PRKG1: variants seen among roughly 807,000 people sequenced by gnomAD.
PRKG1 encodes protein kinase cGMP-dependent 1.
PRKG1 carries 35 observed loss-of-function variants against 88.1 expected under a neutral mutation model. The ratio of observed to expected loss-of-function variants is 0.40; its 90% confidence interval spans 0.30 to 0.53. PRKG1 has a LOEUF of 0.53. Ranked by LOEUF, PRKG1 falls within the 20% of genes least tolerant of loss-of-function variation. The pLI, the probability that PRKG1 is intolerant of heterozygous loss-of-function variation, is 0.59. For missense variants in PRKG1, 540 were observed against 839.8 expected, an observed-to-expected ratio of 0.64 and a Z score of 4.41; for synonymous variants, 303 against 292.5, an observed-to-expected ratio of 1.04 and a Z score of -0.37.
chr10:51,583,402 T>C (rs1050906808), intron 3 of PRKG1, among the ~76,000 whole-genome samples: 22 of 152,174 alleles, frequency 1.4e-4, no homozygotes, highest in Non-Finnish European at 7.4e-5. Flanking sequence ...CATCATTGTT[T>C]AGTCTTCTCT....
intron 1 of PRKG1, among the ~76,000 whole-genome samples, chr10:51,121,757 A>C (rs2339627): frequency 0.79 from 120,425 of 151,550 alleles, 48,357 homozygotes; most frequent in South Asian, 0.88. Flanking sequence ...AAATGTCATA[A>C]TCACCCATCA....
chr10:52,255,049 T>G (rs1361984440), intron 10 of PRKG1, among the ~76,000 whole-genome samples: 1 of 152,118 alleles, frequency 6.6e-6, no homozygotes, highest in Non-Finnish European at 1.5e-5. Context: ...TGTTCTTTAT[T>G]TTTAAGAATG....
At chr10:51,710,229 A>G (rs1467149240) in intron 3 of PRKG1, among the ~76,000 whole-genome samples, 1 of 152,156 alleles carries the variant, frequency 6.6e-6, no homozygotes, top group African/African-American at 2.4e-5. Context: ...GTCAGACAAG[A>G]TAGAGAATAG....
intron 9 of PRKG1, among the ~76,000 whole-genome samples, chr10:52,163,183 T>C (rs998372933): frequency 1.3e-5 from 2 of 151,742 alleles, no homozygotes; most frequent in African/African-American, 4.8e-5. Flanking sequence ...TGTGACAAAA[T>C]TCATTCTTTT....
intron 8 of PRKG1, among the ~76,000 whole-genome samples, chr10:52,155,056 T>A (rs966486830): frequency 3.9e-5 from 6 of 152,166 alleles, no homozygotes; most frequent in Non-Finnish European, 8.8e-5. Flanking sequence ...GACGTTTAGG[T>A]TGGTTCCATA....
chr10:51,570,508 G>A (rs1301929430), intron 3 of PRKG1, among the ~76,000 whole-genome samples: 2 of 151,998 alleles, frequency 1.3e-5, no homozygotes, highest in Admixed American at 1.3e-4. Context: ...TGCTGTCTCA[G>A]GAGTGGCAGA....
intron 4 of PRKG1, among the ~76,000 whole-genome samples, chr10:51,879,451 T>C (rs1025112598): frequency 5.3e-5 from 8 of 152,140 alleles, no homozygotes; most frequent in African/African-American, 1.7e-4. Flanking sequence ...CTGTGAGAAG[T>C]TGTAGACAGA....
chr10:51,589,226 A>G (rs1838247393), intron 3 of PRKG1, among the ~76,000 whole-genome samples: 1 of 152,204 alleles, frequency 6.6e-6, no homozygotes, highest in Non-Finnish European at 1.5e-5. Context: ...GGAGGCTACA[A>G]GACAAAACAA....
intron 2 of PRKG1, among the ~76,000 whole-genome samples, chr10:51,287,189 C>T (rs1473644777): frequency 6.6e-6 from 1 of 152,100 alleles, no homozygotes; most frequent in African/African-American, 2.4e-5. Context: ...ATTTACATAG[C>T]CTTACACAAT....
chr10:52,201,961 C>T (rs1249694011), intron 9 of PRKG1, among the ~76,000 whole-genome samples: 1 of 152,084 alleles, frequency 6.6e-6, no homozygotes, highest in Non-Finnish European at 1.5e-5. Context: ...CAGGTAGAGA[C>T]TATGAAGTTT....
chr10:52,000,806 A>G (rs1291641106), intron 5 of PRKG1, among the ~76,000 whole-genome samples: 1 of 152,086 alleles, frequency 6.6e-6, no homozygotes, highest in Non-Finnish European at 1.5e-5. Context: ...TTGCCAGAGT[A>G]TCAAATGAAA....
At chr10:51,749,815 C>A (rs1589255965) in intron 3 of PRKG1, among the ~76,000 whole-genome samples, 1 of 152,246 alleles carries the variant, frequency 6.6e-6, no homozygotes, top group East Asian at 1.9e-4. Context: ...AGGACAGATG[C>A]CAATCTCCAG....
At chr10:51,696,646 G>A (rs1841300854) in intron 3 of PRKG1, 1 of 151,424 alleles carries the variant, frequency 6.6e-6, no homozygotes, top group Admixed American at 6.6e-5. Flanking sequence ...TAAACCAGGT[G>A]CAGTCCTTAA....
chr10:51,282,480 A>T (rs1840326237), intron 2 of PRKG1, among the ~76,000 whole-genome samples: 1 of 152,204 alleles, frequency 6.6e-6, no homozygotes. Context: ...CTGAGTCCTG[A>T]AAATCATCAA....
chr10:51,007,389 A>T (rs1842952303), intron 1 of PRKG1, among the ~76,000 whole-genome samples: 1 of 152,204 alleles, frequency 6.6e-6, no homozygotes, highest in South Asian at 2.1e-4. Context: ...AGTTTTCTAC[A>T]CAAATAAAGT....
At chr10:51,559,932 T>C (rs760499958) in intron 3 of PRKG1, among the ~76,000 whole-genome samples, 13 of 152,168 alleles carry the variant, frequency 8.5e-5, no homozygotes, top group Non-Finnish European at 1.6e-4. Flanking sequence ...ATCCTCTCCC[T>C]GATCACTCAT....
intron 3 of PRKG1, among the ~76,000 whole-genome samples, chr10:51,740,128 A>G (rs2132488549): frequency 6.6e-6 from 1 of 152,236 alleles, no homozygotes; most frequent in South Asian, 2.1e-4. Flanking sequence ...CCTGGGCTCA[A>G]GTGATCCCCC....
intron 2 of PRKG1, among the ~76,000 whole-genome samples, chr10:51,439,479 T>C (rs1839033914): frequency 6.6e-6 from 1 of 151,916 alleles, no homozygotes; most frequent in Non-Finnish European, 1.5e-5. Context: ...TTTTGCACTG[T>C]TGGCATTTCT....
At chr10:51,211,052 T>C (rs1161049185) in intron 2 of PRKG1, among the ~76,000 whole-genome samples, 2 of 152,150 alleles carry the variant, frequency 1.3e-5, no homozygotes, top group Non-Finnish European at 2.9e-5. Flanking sequence ...TGAACACTGA[T>C]GCAAAAATCC....
Sources: gnomAD v4.1 joint callset for allele counts (sites outside exome capture counted in the v4.1 genomes callset) on GRCh38, gnomAD v4.1.1 for gene constraint, MANE v1.5 for transcripts, NCBI Gene and HGNC (gene_info 2026-07-23, HGNC 2026-07-21) for gene names.